Variants in GPHN observed in about 807,000 individuals in gnomAD.
GPHN encodes the protein gephyrin.
A neutral mutation model predicts 95.5 loss-of-function variants in GPHN; 17 were observed. The observed-to-expected ratio is 0.18, with a 90% CI of 0.12 to 0.27. GPHN has a LOEUF of 0.27. GPHN is among the 10% of genes least tolerant of loss of function. The probability of loss-of-function intolerance (pLI) is 1.00; values close to 1 mark genes in which losing one functional copy is unlikely to be tolerated. For missense variants in GPHN, 660 were observed against 978.1 expected, an observed-to-expected ratio of 0.67 and a Z score of 4.34; for synonymous variants, 320 against 322.5, an observed-to-expected ratio of 0.99 and a Z score of 0.08.
At chr14:66,572,737 G>C (rs2060747252) in intron 1 of GPHN, among the ~76,000 whole-genome samples, 1 of 151,656 alleles carries the variant, frequency 6.6e-6, no homozygotes, top group Admixed American at 6.6e-5. Context: ...TTCCAATTTT[G>C]ATGTTTTCAT....
the GPHN span, among the ~76,000 whole-genome samples, chr14:67,523,436 G>A: frequency 2.6e-5 from 4 of 152,224 alleles, no homozygotes; most frequent in Non-Finnish European, 2.9e-5. Context: ...AATGTGCCAT[G>A]CACTGTGCTA....
At chr14:66,601,489 A>T (rs2062241849) in intron 1 of GPHN, among the ~76,000 whole-genome samples, 1 of 151,864 alleles carries the variant, frequency 6.6e-6, no homozygotes, top group African/African-American at 2.4e-5. Flanking sequence ...TGAAGGGGCA[A>T]CCTCTTTAGT....
chr14:67,006,297 T>A (rs2072604125), intron 9 of GPHN, among the ~76,000 whole-genome samples: 1 of 152,156 alleles, frequency 6.6e-6, no homozygotes, highest in Admixed American at 6.5e-5. Context: ...GTCCTATTTC[T>A]GTCTGCCTCA....
At chr14:66,759,677 C>T (rs1026052874) in intron 2 of GPHN, among the ~76,000 whole-genome samples, 7 of 152,130 alleles carry the variant, frequency 4.6e-5, no homozygotes, top group African/African-American at 1.4e-4. Flanking sequence ...TATTATCCAA[C>T]TTGCAACTCT....
intron 2 of GPHN, among the ~76,000 whole-genome samples, chr14:66,713,664 G>A (rs1484588255): frequency 1.3e-5 from 2 of 151,610 alleles, no homozygotes; most frequent in Non-Finnish European, 2.9e-5. Flanking sequence ...TTCTAATTTG[G>A]TGAAGAATGA....
intron 13 of GPHN, among the ~76,000 whole-genome samples, chr14:67,103,878 T>C (rs1310157570): frequency 1.3e-5 from 2 of 152,166 alleles, no homozygotes; most frequent in Non-Finnish European, 2.9e-5. Flanking sequence ...TCTTGCCTAA[T>C]TGTTCTGGCT....
chr14:67,170,583 C>T (rs2082543678), intron 21 of GPHN, among the ~76,000 whole-genome samples: 1 of 152,166 alleles, frequency 6.6e-6, no homozygotes, highest in Admixed American at 6.5e-5. Flanking sequence ...TCTATTCTGA[C>T]AACAAAGATG....
chr14:67,552,958 G>A, the GPHN span, among the ~76,000 whole-genome samples: 537 of 152,222 alleles, frequency 3.5e-3, 3 homozygotes, highest in Middle Eastern at 0.02. Context: ...ATCCGGAGGG[G>A]AAAAAATGCT....
At chr14:67,361,108 ATGTT>A in the GPHN span, among the ~76,000 whole-genome samples, 4 of 152,236 alleles carry the variant, frequency 2.6e-5, no homozygotes, top group African/African-American at 9.6e-5. Flanking sequence ...TAGGTTAACT[ATGTT>A]AGTTAAGCAT....
chr14:67,249,728 A>G, the GPHN span, among the ~76,000 whole-genome samples: 2 of 152,232 alleles, frequency 1.3e-5, no homozygotes, highest in Middle Eastern at 3.2e-3. Context: ...GTGTGAAAAC[A>G]TTATATTTTG....
intron 9 of GPHN, among the ~76,000 whole-genome samples, chr14:67,017,422 A>AAGTAATCTG (rs2073375190): frequency 6.6e-6 from 1 of 152,154 alleles, no homozygotes; most frequent in Non-Finnish European, 1.5e-5. Flanking sequence ...CTAAAGAGGC[A>AAGTAATCTG]AGTAATCTGA....
At chr14:66,591,173 T>G (rs917488415) in intron 1 of GPHN, among the ~76,000 whole-genome samples, 5 of 152,168 alleles carry the variant, frequency 3.3e-5, no homozygotes, top group Non-Finnish European at 5.9e-5. Flanking sequence ...ATAAGTGCTA[T>G]TTATGACAAA....
chr14:66,862,340 G>A (rs1034951198), intron 4 of GPHN, among the ~76,000 whole-genome samples: 2 of 151,900 alleles, frequency 1.3e-5, no homozygotes, highest in Non-Finnish European at 2.9e-5. Context: ...GATTGAAGCT[G>A]TAAAAAAAAG....
the GPHN span, chr14:67,650,906 C>A: frequency 3.1e-6 from 5 of 1,614,052 alleles, no homozygotes; most frequent in South Asian, 3.3e-5. Context: ...AAATCAAGCA[C>A]GTGTGAGAAT....
At chr14:67,302,181 T>C in the GPHN span, 2 of 1,487,270 alleles carry the variant, frequency 1.3e-6, no homozygotes, top group Non-Finnish European at 1.8e-6. Context: ...GCTTCAAAAG[T>C]CTGGTTAATT....
intron 9 of GPHN, among the ~76,000 whole-genome samples, chr14:66,978,909 G>C (rs1181284689): frequency 1.3e-5 from 2 of 152,214 alleles, no homozygotes; most frequent in Admixed American, 1.3e-4. Flanking sequence ...AAGAGTGGAT[G>C]TTGTATTAGC....
intron 8 of GPHN, among the ~76,000 whole-genome samples, chr14:66,952,604 C>T (rs946042070): frequency 6.6e-6 from 1 of 152,192 alleles, no homozygotes; most frequent in African/African-American, 2.4e-5. Flanking sequence ...AAGTGCCAAA[C>T]TATTATCCAT....
intron 12 of GPHN, among the ~76,000 whole-genome samples, chr14:67,097,375 G>A (rs1397176815): frequency 6.6e-6 from 1 of 152,186 alleles, no homozygotes; most frequent in East Asian, 1.9e-4. Context: ...GGTATTCTCA[G>A]GGATAGTACT....
At chr14:66,995,124 A>G (rs1451649542) in intron 9 of GPHN, among the ~76,000 whole-genome samples, 4 of 152,196 alleles carry the variant, frequency 2.6e-5, no homozygotes, top group Non-Finnish European at 4.4e-5. Flanking sequence ...TTGTAAATAG[A>G]GAATACATAC....
Sources: gnomAD v4.1 joint callset for allele counts (sites outside exome capture counted in the v4.1 genomes callset) on GRCh38, gnomAD v4.1.1 for gene constraint, MANE v1.5 for transcripts, NCBI Gene and HGNC (gene_info 2026-07-23, HGNC 2026-07-21) for gene names.